EPCAM: variants seen among roughly 807,000 people sequenced by gnomAD.
EPCAM encodes the protein epithelial cell adhesion molecule, also known as adenocarcinoma-associated antigen.
EPCAM carries 39 observed loss-of-function variants against 40.0 expected under a neutral mutation model. The ratio of observed to expected loss-of-function variants is 0.98; its 90% CI spans 0.76 to 1.27. The LOEUF (loss-of-function observed/expected upper bound fraction) is 1.27. EPCAM is among the 50% of genes most tolerant of loss of function. EPCAM has a pLI of 0.00. For missense variants in EPCAM, 503 were observed against 381.2 expected (o/e 1.32, Z -2.66); for synonymous variants, 168 against 132.3 (o/e 1.27, Z -1.85).
In EPCAM at chr2:47,374,049, G is replaced by A. The variant is rs111813092; in HGVS notation, c.425+1G>A. On this transcript the variant is annotated splice_donor_variant, in intron 3 of 8. Transcript: ENST00000263735. LOFTEE classifies it high-confidence loss of function. ...CCTGCTCTGAGCGAGTGAGAACCTA[G>A]TGAGTGGGGCTGCCTATACTACTTG... 1 of 1,614,074 alleles carries A rather than the reference G, an allele frequency of 6.2e-7. No individual in the cohort carries two copies. Among genetic ancestry groups the A allele is most frequent in the Admixed American group, 1.7e-5 (1 of 59,982 alleles).
chr2:47,378,872 T>A, intron 5 of EPCAM, 81 bp from the exon 6 acceptor site: 1 of 745,948 alleles, frequency 1.3e-6, no homozygotes, highest in East Asian at 2.7e-5. Flanking sequence ...ACACTGAATA[T>A]TCTGATTCTC....
chr2:47,375,124 A>AT, intron 3 of EPCAM, 110 bp from the exon 4 acceptor site: 9 of 763,332 alleles, frequency 1.2e-5, no homozygotes, highest in Non-Finnish European at 1.8e-5. Flanking sequence ...TACTGCATAA[A>AT]TTTTTTTTCT....
At position 47,369,516 on chromosome 2, in the gene EPCAM, C is replaced by G. The variant is rs778641299; in HGVS notation, c.11C>G (p.Pro4Arg). 1.3e-6 allele frequency: 2 copies of G among 1,563,514 alleles called. No homozygotes were observed. The highest frequency in any genetic ancestry group is 1.7e-6 in the Non-Finnish European group (2 of 1,160,788). ...CGGCGCGCGCGCAGCATGGCGCCCC[C>G]GCAGGTCCTCGCGTTCGGGCTTCTG... MAP[P>R]QVLAFGLLLA... is the part of the protein sequence containing the mutation. The change falls in exon 1 of 9, where the codon CCG becomes CGG. Residue 4 changes from proline to arginine, a missense_variant. Coordinates refer to ENST00000263735, the MANE Select transcript of EPCAM (RefSeq NM_002354.3).
rs756176396 is a variant in EPCAM at position 47,385,217 on chromosome 2, G to T, written c.903+7G>T. The T allele has an allele frequency of 3.1e-6, 5 of 1,608,120 alleles. No individual in the cohort carries two copies. The highest frequency in any genetic ancestry group is 4.3e-6 in the Non-Finnish European group (5 of 1,174,870). On this transcript the variant is annotated splice_region_variant and intron_variant, in intron 8 of 8. Coordinates refer to ENST00000263735, the MANE Select transcript of EPCAM (RefSeq NM_002354.3). ...AAAGTATGAGAAGGCTGAGGTAAATGGATTACTTACCTAAATAGAAAGGCC... is the reference window on the plus strand; with the variant it reads ...AAAGTATGAGAAGGCTGAGGTAAATTGATTACTTACCTAAATAGAAAGGCC...
At chr2:47,369,707 G>A (rs1671168420) in intron 1 of EPCAM, 126 bp downstream of exon 1, 2 of 1,032,708 alleles carry the variant, frequency 1.9e-6, no homozygotes, top group Non-Finnish European at 3.0e-6. Context: ...CCAGCGTGGA[G>A]ACCGGACGGT....
intron 4 of EPCAM, among the ~76,000 whole-genome samples, chr2:47,375,960 T>A (rs1277212573): frequency 6.6e-6 from 1 of 152,004 alleles, no homozygotes; most frequent in African/African-American, 2.4e-5. Context: ...CGCCTCTGCC[T>A]CCCAAAGTGC....
In EPCAM at chr2:47,378,997, T is replaced by C; in HGVS notation, c.600T>C (p.Ser200=). 1 of 1,604,854 alleles carries C rather than the reference T, an allele frequency of 6.2e-7. No individual in the cohort carries two copies. The highest frequency in any genetic ancestry group is 8.5e-7 in the Non-Finnish European group (1 of 1,171,684). Residue 200 remains serine (S), a synonymous_variant, in exon 6 of 9, where the codon TCT becomes TCC. Transcript: ENST00000263735. ...VITIDLVQNS[S]QKTQNDVDIA... is the part of the protein sequence containing the mutation. The stretch of plus-strand genomic sequence containing the variant: ...CTATTGATCTGGTTCAAAATTCTTC[T>C]CAAAAAACTCAGAATGATGTGGACA...
chr2:47,370,730 A>T (rs1159481624), intron 1 of EPCAM, among the ~76,000 whole-genome samples: 1 of 150,282 alleles, frequency 6.7e-6, no homozygotes, highest in Non-Finnish European at 1.5e-5. Context: ...ATTATTTATT[A>T]TTATTATTAT....
intron 7 of EPCAM, among the ~76,000 whole-genome samples, chr2:47,381,561 C>T (rs1187776274): frequency 6.6e-6 from 1 of 152,076 alleles, no homozygotes; most frequent in African/African-American, 2.4e-5. Flanking sequence ...GGCCATATTG[C>T]CCAGCTGTGT....
chr2:47,374,098 T>A (rs746937104), intron 3 of EPCAM, 50 bp downstream of exon 3: 2 of 1,597,778 alleles, frequency 1.3e-6, no homozygotes, highest in Non-Finnish European at 1.7e-6. Flanking sequence ...CAGATTCATT[T>A]AATTAAATTT....
chr2:47,378,342 C>G (rs897245127), intron 5 of EPCAM, among the ~76,000 whole-genome samples: 4 of 144,662 alleles, frequency 2.8e-5, no homozygotes, highest in Non-Finnish European at 6.0e-5. Context: ...GCTCTTGTTG[C>G]CCAGGCTGGA....
chr2:47,370,717 TTTATTATTTATTA>T (rs1423122634), intron 1 of EPCAM, among the ~76,000 whole-genome samples: 1 of 150,624 alleles, frequency 6.6e-6, no homozygotes, highest in Non-Finnish European at 1.5e-5. Flanking sequence ...AATTTTTGTA[TTTATTATTTATTA>T]TTATTATTAT....
chr2:47,380,272 A>G (rs1282141556), intron 7 of EPCAM, among the ~76,000 whole-genome samples: 1 of 152,100 alleles, frequency 6.6e-6, no homozygotes, highest in Non-Finnish European at 1.5e-5. Context: ...AGCCATGATC[A>G]CACCACTGCA....
At chr2:47,370,041 G>A (rs972216069) in intron 1 of EPCAM, among the ~76,000 whole-genome samples, 1 of 152,232 alleles carries the variant, frequency 6.6e-6, no homozygotes, top group Admixed American at 6.5e-5. Context: ...GCCTCAGGCG[G>A]GGACAGGCGC....
chr2:47,385,064 T>C lies in EPCAM; in HGVS notation c.859-102T>C, dbSNP rs1016901437. 18 of 934,512 alleles carry C rather than the reference T, an allele frequency of 1.9e-5. No individual in the cohort carries two copies. In the East Asian group the frequency reaches 4.4e-4, roughly 23 times the overall value. 57.9% of individuals were successfully genotyped at this position (934,512 alleles called of 1,614,324 possible). On this transcript the variant is annotated intron_variant, in intron 7 of 8. Transcript: ENST00000263735. ...ATGGATAGATGTTAAAATTAGTTTT[T>C]TTTCAGATCAAAATTATGTCCATTA...
chr2:47,382,959 A>G (rs1478577885), intron 7 of EPCAM, among the ~76,000 whole-genome samples: 1 of 151,492 alleles, frequency 6.6e-6, no homozygotes, highest in African/African-American at 2.4e-5. Flanking sequence ...GAAAAGGAGG[A>G]TGTGGAAGAA....
intron 7 of EPCAM, among the ~76,000 whole-genome samples, chr2:47,381,558 T>C (rs938499179): frequency 6.6e-6 from 1 of 152,156 alleles, no homozygotes; most frequent in African/African-American, 2.4e-5. Flanking sequence ...GCTGGCCATA[T>C]TGCCCAGCTG....
intron 4 of EPCAM, among the ~76,000 whole-genome samples, chr2:47,375,728 C>T (rs982835359): frequency 7.0e-6 from 1 of 143,112 alleles, no homozygotes; most frequent in African/African-American, 2.6e-5. Context: ...TTTTTTTAGA[C>T]GGAGTCTCGC....
intron 4 of EPCAM, among the ~76,000 whole-genome samples, chr2:47,376,603 C>T (rs891403548): frequency 6.6e-5 from 10 of 152,244 alleles, no homozygotes; most frequent in Non-Finnish European, 4.4e-5. Flanking sequence ...GCATTTTTGA[C>T]AGGAAAACTA....
Sources: gnomAD v4.1 joint callset for allele counts (sites outside exome capture counted in the v4.1 genomes callset) on GRCh38, gnomAD v4.1.1 for gene constraint, MANE v1.5 for transcripts, NCBI Gene and HGNC (gene_info 2026-07-23, HGNC 2026-07-21) for gene names.